Variants in UBE2E3 observed in about 807,000 individuals in gnomAD.
The protein encoded by UBE2E3 is ubiquitin-conjugating enzyme E2 E3.
In UBE2E3, 5 loss-of-function variants were observed where a neutral mutation model predicts 23.6. The ratio of observed to expected loss-of-function variants is 0.21; its 90% CI spans 0.11 to 0.44. UBE2E3 has a LOEUF of 0.44. Among genes scored for constraint, UBE2E3 ranks in the 20% least tolerant of loss-of-function variants. The pLI, the probability that UBE2E3 is intolerant of heterozygous loss-of-function variation, is 0.99. For missense variants in UBE2E3, 81 were observed against 249.8 expected (o/e 0.32, Z 4.55); for synonymous variants, 78 against 87.5 (o/e 0.89, Z 0.60).
At chr2:181,001,020 A>AT (rs1328462410) in intron 3 of UBE2E3, among the ~76,000 whole-genome samples, 3 of 152,216 alleles carry the variant, frequency 2.0e-5, no homozygotes, top group Non-Finnish European at 4.4e-5. Flanking sequence ...AGATATTAAG[A>AT]TTTACTGTGA....
At chr2:180,997,243 A>G (rs768968330) in intron 3 of UBE2E3, among the ~76,000 whole-genome samples, 3 of 150,042 alleles carry the variant, frequency 2.0e-5, no homozygotes, top group African/African-American at 7.4e-5. Flanking sequence ...CCATTTATCT[A>G]TCTCTATTTA....
At chr2:181,021,632 T>TTCCTTCCTTCCTTCCTTCC (rs1685699623) in intron 3 of UBE2E3, among the ~76,000 whole-genome samples, 3 of 40,016 alleles carry the variant, frequency 7.5e-5, no homozygotes, top group Non-Finnish European at 8.7e-5. Flanking sequence ...CCCTCCCTTT[T>TTCCTTCCTTCCTTCCTTCC]TTCCTTCCTT....
chr2:181,057,696 T>C lies in UBE2E3; in HGVS notation c.249T>C (p.Ala83=), dbSNP rs1252029184. ...ATTTTTAATTTCTTTTAAATAGTGC[T>C]GGGCCTAAAGGAGATAACATTTATG... is the stretch of plus-strand genomic sequence containing the variant. The part of the protein sequence containing the change: ...ITLDPPPNCS[A]GPKGDNIYEW... The change falls in exon 4 of 6, where the codon GCT becomes GCC. Residue 83 remains alanine (A), a synonymous_variant. Transcript: ENST00000410062. 6.2e-7 allele frequency: 1 copy of C among 1,606,534 alleles called. No individual in the cohort carries two copies. Among genetic ancestry groups the C allele is most frequent in the African/African-American group, 1.3e-5 (1 of 74,532 alleles).
rs547957828 is a variant in UBE2E3, at chr2:181,014,325, A to C, written c.245+30232A>C. Among the ~76,000 whole-genome samples, 3 of 152,336 alleles carry C rather than the reference A, an allele frequency of 2.0e-5. No homozygotes were observed. The South Asian group carries it at 6.2e-4, about 32-fold the overall frequency. On this transcript the variant is annotated intron_variant, in intron 3 of 5. Transcript: ENST00000410062. Reference sequence around the variant, plus strand: ...GAGTGTTGCTAGTTGGCTACATTTCATTCTGATACAACTCAGAGAAGCAGC... The same window carrying C: ...GAGTGTTGCTAGTTGGCTACATTTCCTTCTGATACAACTCAGAGAAGCAGC...
At chr2:180,998,614 A>G (rs778000019) in intron 3 of UBE2E3, among the ~76,000 whole-genome samples, 8 of 152,098 alleles carry the variant, frequency 5.3e-5, no homozygotes, top group Non-Finnish European at 1.0e-4. Context: ...CAAAATCACC[A>G]TTGGTAATAA....
intron 4 of UBE2E3, among the ~76,000 whole-genome samples, chr2:181,060,172 A>G (rs1333950619): frequency 6.6e-6 from 1 of 151,814 alleles, no homozygotes; most frequent in Non-Finnish European, 1.5e-5. Flanking sequence ...ACCGTCTTCT[A>G]AATCCTCCAG....
intron 3 of UBE2E3, among the ~76,000 whole-genome samples, chr2:181,022,219 A>G (rs2105628555): frequency 6.6e-6 from 1 of 152,302 alleles, no homozygotes; most frequent in Middle Eastern, 3.4e-3. Flanking sequence ...GTTATTTTAT[A>G]GGAAATGTAA....
At chr2:180,994,085 T>G (rs1354617993) in intron 3 of UBE2E3, among the ~76,000 whole-genome samples, 1 of 152,222 alleles carries the variant, frequency 6.6e-6, no homozygotes, top group East Asian at 1.9e-4. Flanking sequence ...TTAATTTTTC[T>G]TCATTTTATG....
chr2:181,016,798 A>T (rs1685504584), intron 3 of UBE2E3, among the ~76,000 whole-genome samples: 1 of 152,244 alleles, frequency 6.6e-6, no homozygotes, highest in Non-Finnish European at 1.5e-5. Context: ...TTGATAAATA[A>T]GAACAAAACT....
intron 1 of UBE2E3, 116 bp downstream of exon 1, chr2:180,981,089 C>G (rs866774393): frequency 2.7e-4 from 39 of 146,036 alleles, no homozygotes; most frequent in Non-Finnish European, 5.2e-4. Flanking sequence ...CGCCGGTGTC[C>G]GCGAGCCGCG....
At chr2:181,034,163 A>T (rs1008755569) in intron 3 of UBE2E3, among the ~76,000 whole-genome samples, 1 of 152,170 alleles carries the variant, frequency 6.6e-6, no homozygotes, top group East Asian at 1.9e-4. Context: ...TTGACCCACC[A>T]ATCCCATTAC....
At chr2:180,991,519 A>G (rs1684658266) in intron 3 of UBE2E3, among the ~76,000 whole-genome samples, 1 of 152,202 alleles carries the variant, frequency 6.6e-6, no homozygotes, top group East Asian at 1.9e-4. Flanking sequence ...AGCCAAGACC[A>G]CTACCAAGTG....
chr2:181,057,416 G>A (rs1302141148), intron 3 of UBE2E3, among the ~76,000 whole-genome samples: 2 of 151,714 alleles, frequency 1.3e-5, no homozygotes, highest in African/African-American at 4.8e-5. Context: ...GGAGAGAGAG[G>A]AGCAAATGGG....
intron 3 of UBE2E3, among the ~76,000 whole-genome samples, chr2:181,047,449 T>G (rs1686703614): frequency 6.6e-6 from 1 of 152,138 alleles, no homozygotes; most frequent in African/African-American, 2.4e-5. Context: ...ACTTATCTTT[T>G]GGATATCTCA....
At chr2:181,059,436 A>G (rs1687072656) in intron 4 of UBE2E3, among the ~76,000 whole-genome samples, 1 of 151,796 alleles carries the variant, frequency 6.6e-6, no homozygotes, top group South Asian at 2.1e-4. Flanking sequence ...CTAGAGCAGC[A>G]TTAATGGAAA....
chr2:180,986,331 G>T (rs1684468221), intron 3 of UBE2E3, among the ~76,000 whole-genome samples: 1 of 152,108 alleles, frequency 6.6e-6, no homozygotes, highest in East Asian at 1.9e-4. Flanking sequence ...TTTACCATAT[G>T]CCTCACATGT....
At chr2:181,050,170 A>G (rs7371259) in intron 3 of UBE2E3, among the ~76,000 whole-genome samples, 32,981 of 151,884 alleles carry the variant, frequency 0.22, 4,160 homozygotes, top group Non-Finnish European at 0.28. Context: ...TTACAAGGCA[A>G]TACTCTGATC....
chr2:181,003,165 A>G (rs1432423744), intron 3 of UBE2E3, among the ~76,000 whole-genome samples: 1 of 152,240 alleles, frequency 6.6e-6, no homozygotes, highest in Non-Finnish European at 1.5e-5. Context: ...ATTCCCAGAT[A>G]GAGGAGTTTA....
At chr2:181,036,169 A>G (rs1179975665) in intron 3 of UBE2E3, among the ~76,000 whole-genome samples, 2 of 152,214 alleles carry the variant, frequency 1.3e-5, no homozygotes, top group Non-Finnish European at 2.9e-5. Flanking sequence ...CTGACGTACT[A>G]GGTAAACATA....
Sources: allele counts gnomAD v4.1 joint callset (sites outside exome capture counted in the v4.1 genomes callset), GRCh38; gene constraint gnomAD v4.1.1; transcripts MANE v1.5; gene names NCBI Gene and HGNC (gene_info 2026-07-23, HGNC 2026-07-21).